Variants in CNTN3 observed in about 807,000 individuals in gnomAD.
CNTN3 encodes the protein contactin-3.
In CNTN3, 60 loss-of-function variants were observed where a neutral mutation model predicts 119.1. The ratio of observed to expected loss-of-function variants is 0.50; its 90% CI spans 0.41 to 0.62. The LOEUF is 0.62. Among genes scored for constraint, CNTN3 ranks in the 20% least tolerant of loss-of-function variants. The pLI, the probability that CNTN3 is intolerant of heterozygous loss-of-function variation, is 0.00. For synonymous variants in CNTN3, 450 were observed against 438.7 expected (o/e 1.03, Z -0.32); for missense variants, 1,101 against 1,242.4 (o/e 0.89, Z 1.71).
rs148958294 is a variant in CNTN3 at position 74,511,586 on chromosome 3, C to T, written c.55+9472G>A. ...TGGGAGGGCTGAAGCCAGGGGATTG[C>T]TGGGCCCAGGTGTTCAAGGTTATAG... On this transcript the variant is annotated intron_variant, in intron 2 of 22. Transcript: ENST00000263665. Among the ~76,000 whole-genome samples the T allele has an allele frequency of 2.6e-3, 398 of 152,150 alleles. 4 individuals carry two copies. The highest frequency in any genetic ancestry group is 9.0e-3 in the African/African-American group (372 of 41,518).
At chr3:74,614,054 T>C (rs1705127332) in intron 1 of CNTN3, among the ~76,000 whole-genome samples, 1 of 152,106 alleles carries the variant, frequency 6.6e-6, no homozygotes, top group Non-Finnish European at 1.5e-5. Flanking sequence ...TTCCTCAGCA[T>C]CCCTAGGAGT....
intron 11 of CNTN3, among the ~76,000 whole-genome samples, chr3:74,355,535 ACCTCCAACT>A (rs1703915211): frequency 6.6e-6 from 1 of 151,654 alleles, no homozygotes; most frequent in African/African-American, 2.4e-5. Context: ...GTACACTGCA[ACCTCCAACT>A]CCTGGGTTCA....
intron 22 of CNTN3, among the ~76,000 whole-genome samples, chr3:74,266,251 T>G (rs1348365307): frequency 6.6e-6 from 1 of 152,084 alleles, no homozygotes; most frequent in Non-Finnish European, 1.5e-5. Flanking sequence ...TAATGAAGTT[T>G]TGCTAAATAT....
Position 74,451,700 on chromosome 3 carries a change from A to G in CNTN3, c.359-26760T>C, listed in dbSNP as rs1276005227. Among the ~76,000 whole-genome samples, 21 of 150,114 alleles carry G rather than the reference A, an allele frequency of 1.4e-4. No homozygotes were observed. The East Asian group carries it at 3.7e-3, about 27-fold the overall frequency. On this transcript the variant is annotated intron_variant, in intron 4 of 22. Transcript: ENST00000263665. ...TTGAATTGATTTTTGTATAAGGTGTAAGGAAGGGATCCAGTTTCAGCTTTC... is the reference window on the plus strand; with the variant it reads ...TTGAATTGATTTTTGTATAAGGTGTGAGGAAGGGATCCAGTTTCAGCTTTC...
intron 13 of CNTN3, among the ~76,000 whole-genome samples, chr3:74,312,699 A>G (rs114030163): frequency 0.012 from 1,833 of 152,182 alleles, 20 homozygotes; most frequent in Non-Finnish European, 0.018. Flanking sequence ...CCTCACCCTC[A>G]CACCTTACCA....
intron 5 of CNTN3, among the ~76,000 whole-genome samples, chr3:74,388,478 T>TA (rs960910081): frequency 2.6e-4 from 40 of 151,882 alleles, no homozygotes; most frequent in African/African-American, 8.2e-4. Context: ...CCATAGCTGT[T>TA]AAAAAAAGGA....
chr3:74,436,258 C>A (rs867247348), intron 4 of CNTN3, among the ~76,000 whole-genome samples: 2 of 152,196 alleles, frequency 1.3e-5, no homozygotes, highest in African/African-American at 2.4e-5. Context: ...GTGAAAGATA[C>A]CTTCTCTGAA....
intron 4 of CNTN3, among the ~76,000 whole-genome samples, chr3:74,453,158 G>T (rs1004233593): frequency 6.6e-6 from 1 of 151,946 alleles, no homozygotes; most frequent in African/African-American, 2.4e-5. Context: ...GACTCTTTTT[G>T]GTTGGTAAGC....
chr3:74,567,044 C>T (rs1704235888), intron 1 of CNTN3, among the ~76,000 whole-genome samples: 1 of 152,108 alleles, frequency 6.6e-6, no homozygotes, highest in Admixed American at 6.6e-5. Flanking sequence ...ACAGAGCAGG[C>T]TGGAGAGCGT....
intron 4 of CNTN3, among the ~76,000 whole-genome samples, chr3:74,448,888 G>GA (rs996779615): frequency 6.6e-6 from 1 of 151,920 alleles, no homozygotes; most frequent in Non-Finnish European, 1.5e-5. Flanking sequence ...CTAGTTGTAG[G>GA]AAAAAGTTTG....
intron 13 of CNTN3, among the ~76,000 whole-genome samples, chr3:74,333,192 C>A (rs1168545159): frequency 6.6e-6 from 1 of 152,230 alleles, no homozygotes; most frequent in Non-Finnish European, 1.5e-5. Flanking sequence ...TAAAATTACA[C>A]TTAATTGTAG....
intron 1 of CNTN3, among the ~76,000 whole-genome samples, chr3:74,550,773 C>T (rs1703978648): frequency 6.6e-6 from 1 of 152,158 alleles, no homozygotes; most frequent in Non-Finnish European, 1.5e-5. Context: ...AACTCCTAGG[C>T]TCAAGCAATC....
chr3:74,553,800 G>C (rs1011440072), intron 1 of CNTN3, among the ~76,000 whole-genome samples: 1 of 151,900 alleles, frequency 6.6e-6, no homozygotes, highest in Admixed American at 6.6e-5. Flanking sequence ...TAAGTTCTTC[G>C]TAGATTACGG....
At chr3:74,414,239 C>G (rs1012625064) in intron 5 of CNTN3, among the ~76,000 whole-genome samples, 7 of 152,010 alleles carry the variant, frequency 4.6e-5, no homozygotes, top group African/African-American at 1.7e-4. Context: ...TCCAAGACAG[C>G]TAAAGTTCAG....
chr3:74,521,908 C>T (rs1385194670), intron 1 of CNTN3, among the ~76,000 whole-genome samples: 1 of 151,814 alleles, frequency 6.6e-6, no homozygotes, highest in Non-Finnish European at 1.5e-5. Flanking sequence ...GCGCGATACA[C>T]AGACCTAAAT....
intron 13 of CNTN3, among the ~76,000 whole-genome samples, chr3:74,312,252 G>A (rs149494326): frequency 0.011 from 1,659 of 151,946 alleles, 14 homozygotes; most frequent in Middle Eastern, 0.02. Flanking sequence ...AGGAGATCGA[G>A]ACCATCCTGG....
At chr3:74,568,583 G>A (rs1247488007) in intron 1 of CNTN3, among the ~76,000 whole-genome samples, 3 of 152,150 alleles carry the variant, frequency 2.0e-5, no homozygotes, top group African/African-American at 4.8e-5. Context: ...GTAACACGGA[G>A]GAGACATAAA....
At chr3:74,301,375 T>C (rs756568008) in intron 16 of CNTN3, 23 bp downstream of exon 16, 2 of 1,608,320 alleles carry the variant, frequency 1.2e-6, no homozygotes, top group Admixed American at 1.7e-5. Context: ...ATTAATCCAT[T>C]ACTCAGAAAA....
intron 4 of CNTN3, among the ~76,000 whole-genome samples, chr3:74,462,259 T>C (rs1286904456): frequency 1.6e-4 from 24 of 152,082 alleles, no homozygotes; most frequent in Admixed American, 1.6e-3. Flanking sequence ...CAATTAAACA[T>C]CTTTTCTTTA....
Sources: allele counts gnomAD v4.1 joint callset (sites outside exome capture counted in the v4.1 genomes callset), GRCh38; gene constraint gnomAD v4.1.1; transcripts MANE v1.5; gene names NCBI Gene and HGNC (gene_info 2026-07-23, HGNC 2026-07-21).